The following EPHA6 variants were observed in gnomAD, a reference collection of about 807,000 sequenced individuals.
EPHA6 encodes EPH receptor A6.
In EPHA6, 50 loss-of-function variants were observed where a neutral mutation model predicts 112.0. The ratio of observed to expected loss-of-function variants is 0.45; its 90% confidence interval spans 0.36 to 0.56. The LOEUF is 0.56. EPHA6 is among the 20% of genes least tolerant of loss of function. The probability of loss-of-function intolerance (pLI) is 0.00; values close to 1 mark genes in which losing one functional copy is unlikely to be tolerated. For missense variants in EPHA6, 1,280 were observed against 1,417.4 expected, an observed-to-expected ratio of 0.90 and a Z score of 1.56; for synonymous variants, 529 against 490.7, an observed-to-expected ratio of 1.08 and a Z score of -1.03.
chr3:97,098,063 A>G (rs142238633), intron 3 of EPHA6, among the ~76,000 whole-genome samples: 13 of 152,114 alleles, frequency 8.5e-5, no homozygotes, highest in Non-Finnish European at 1.9e-4. Context: ...TTTACAACAT[A>G]CCAAGCACTC....
intron 5 of EPHA6, among the ~76,000 whole-genome samples, chr3:97,382,319 C>A (rs1559941614): frequency 6.6e-6 from 1 of 152,020 alleles, no homozygotes; most frequent in Non-Finnish European, 1.5e-5. Flanking sequence ...ATGACCTTTT[C>A]TTCAATAAGT....
chr3:97,451,683 A>G (rs908325682), intron 7 of EPHA6, among the ~76,000 whole-genome samples: 6 of 151,676 alleles, frequency 4.0e-5, no homozygotes, highest in African/African-American at 1.2e-4. Flanking sequence ...ATAATGCCAT[A>G]GTAGCATATG....
chr3:97,182,577 G>A (rs1474266347), intron 3 of EPHA6, among the ~76,000 whole-genome samples: 1 of 151,882 alleles, frequency 6.6e-6, no homozygotes, highest in Non-Finnish European at 1.5e-5. Flanking sequence ...TCTTTAAGGA[G>A]GATTAATGAA....
intron 7 of EPHA6, among the ~76,000 whole-genome samples, chr3:97,463,274 A>G (rs2090951213): frequency 6.6e-6 from 1 of 152,020 alleles, no homozygotes; most frequent in Non-Finnish European, 1.5e-5. Flanking sequence ...TTCCCCATGT[A>G]TATAATAACA....
intron 8 of EPHA6, 26 bp downstream of exon 8, chr3:97,475,486 C>A: frequency 6.7e-7 from 1 of 1,500,140 alleles, no homozygotes; most frequent in South Asian, 1.2e-5. Flanking sequence ...CATACTATTT[C>A]CGAGATTTAT....
At chr3:97,097,144 AAAT>A (rs1269149525) in intron 3 of EPHA6, among the ~76,000 whole-genome samples, 11 of 151,804 alleles carry the variant, frequency 7.2e-5, no homozygotes, top group East Asian at 1.9e-4. Context: ...AAACACAAAG[AAAT>A]AATAAGTATT....
intron 1 of EPHA6, among the ~76,000 whole-genome samples, chr3:96,863,994 A>C (rs909482936): frequency 1.3e-5 from 2 of 152,050 alleles, no homozygotes; most frequent in African/African-American, 2.4e-5. Flanking sequence ...GTTTCTCTCC[A>C]TTAAGTGAAG....
chr3:97,534,066 C>A (rs948657446), intron 11 of EPHA6, among the ~76,000 whole-genome samples: 1 of 152,054 alleles, frequency 6.6e-6, no homozygotes, highest in African/African-American at 2.4e-5. Context: ...CAGATGGACC[C>A]CAGTTAGAAT....
intron 5 of EPHA6, among the ~76,000 whole-genome samples, chr3:97,343,133 C>A (rs1004648742): frequency 6.6e-6 from 1 of 152,128 alleles, no homozygotes; most frequent in Non-Finnish European, 1.5e-5. Context: ...CCTCTGTCAT[C>A]TTAGAGAATA....
chr3:97,239,916 A>G (rs1195880764), intron 4 of EPHA6, among the ~76,000 whole-genome samples: 1 of 151,872 alleles, frequency 6.6e-6, no homozygotes, highest in Non-Finnish European at 1.5e-5. Context: ...ATATGATGTA[A>G]TAGGGTTTTT....
intron 13 of EPHA6, among the ~76,000 whole-genome samples, chr3:97,637,054 G>A (rs762307460): frequency 6.6e-6 from 1 of 151,908 alleles, no homozygotes. Context: ...TCTTGTTGGT[G>A]CATACATTTT....
chr3:97,011,312 C>T (rs747780514), intron 3 of EPHA6, among the ~76,000 whole-genome samples: 32 of 152,296 alleles, frequency 2.1e-4, no homozygotes, highest in Non-Finnish European at 3.5e-4. Flanking sequence ...TGGTTGGCAT[C>T]ATCTCAGTAG....
chr3:97,557,946 G>T lies in EPHA6; in HGVS notation c.2386+25403G>T, dbSNP rs114629117. Among the ~76,000 whole-genome samples the T allele has an allele frequency of 8.0e-3, 1,214 of 151,790 alleles. 17 individuals are homozygous for T. Among genetic ancestry groups the T allele is most frequent in the African/African-American group, 0.028 (1,164 of 41,406 alleles). On this transcript the variant is annotated intron_variant, in intron 11 of 17. Transcript: ENST00000389672. ...ATTCTTTAGCTATATTTGCTTTCAA[G>T]GAGCCACCTGCTCTGGTGGTTCAGC...
At chr3:97,671,952 T>C (rs560713075) in intron 14 of EPHA6, among the ~76,000 whole-genome samples, 1 of 152,314 alleles carries the variant, frequency 6.6e-6, no homozygotes, top group Admixed American at 6.5e-5. Context: ...TCTGACACCT[T>C]TGACTGCCCC....
intron 5 of EPHA6, among the ~76,000 whole-genome samples, chr3:97,375,727 A>T (rs1203999626): frequency 6.6e-6 from 1 of 152,190 alleles, no homozygotes; most frequent in Non-Finnish European, 1.5e-5. Context: ...AATATTAATA[A>T]TGGAATACTA....
At chr3:96,855,729 A>T (rs2035657509) in intron 1 of EPHA6, among the ~76,000 whole-genome samples, 1 of 151,954 alleles carries the variant, frequency 6.6e-6, no homozygotes, top group South Asian at 2.1e-4. Flanking sequence ...TGAAGAACAT[A>T]AAATTTTGCA....
chr3:97,058,092 G>T (rs1361285367), intron 3 of EPHA6, among the ~76,000 whole-genome samples: 2 of 152,130 alleles, frequency 1.3e-5, no homozygotes, highest in South Asian at 2.1e-4. Flanking sequence ...ATTGCAGAGA[G>T]AAATAGGTAA....
In EPHA6 at chr3:97,578,458, A is replaced by T. The variant is rs1172289349; in HGVS notation, c.2387-14154A>T. ...TCACTGATCACATAGCTTCATCTGG[A>T]TGAGTAAGAAAGCTGGAAAAATATG... On this transcript the variant is annotated intron_variant, in intron 11 of 17. Transcript: ENST00000389672. Among the ~76,000 whole-genome samples the T allele has an allele frequency of 2.6e-5, 4 of 152,180 alleles. No individual in the cohort carries two copies. The South Asian group carries it at 6.2e-4, about 24-fold the overall frequency.
At chr3:97,697,220 T>C (rs17702792) in intron 14 of EPHA6, among the ~76,000 whole-genome samples, 17,144 of 152,224 alleles carry the variant, frequency 0.11, 1,335 homozygotes, top group Non-Finnish European at 0.17. Flanking sequence ...GTGATCTGGG[T>C]ATGGAGCAAT....
Sources: gnomAD v4.1 joint callset for allele counts (sites outside exome capture counted in the v4.1 genomes callset) on GRCh38, gnomAD v4.1.1 for gene constraint, MANE v1.5 for transcripts, NCBI Gene and HGNC (gene_info 2026-07-23, HGNC 2026-07-21) for gene names.